The following TSHZ2 variants were observed in gnomAD, a reference collection of about 807,000 sequenced individuals.
The protein encoded by TSHZ2 is teashirt zinc finger homeobox 2, also known as teashirt homolog 2.
Under a neutral mutation model 74.4 loss-of-function variants are expected in TSHZ2, and 21 were observed. That is an observed-to-expected ratio of 0.28 (90% CI 0.20 to 0.41). The LOEUF (loss-of-function observed/expected upper bound fraction) is 0.41. Among genes scored for constraint, TSHZ2 ranks in the 10% least tolerant of loss-of-function variants. The pLI is 1.00. For synonymous variants in TSHZ2, 540 were observed against 515.3 expected, an observed-to-expected ratio of 1.05 and a Z score of -0.65; for missense variants, 1,244 against 1,293.5, an observed-to-expected ratio of 0.96 and a Z score of 0.59.
chr20:53,115,912 A>G (rs1379069265), intron 1 of TSHZ2, among the ~76,000 whole-genome samples: 1 of 152,190 alleles, frequency 6.6e-6, no homozygotes, highest in Non-Finnish European at 1.5e-5. Flanking sequence ...CAACAAAGGA[A>G]TGAGTGGATT....
intron 1 of TSHZ2, among the ~76,000 whole-genome samples, chr20:53,073,622 CAATG>C (rs952581486): frequency 6.6e-6 from 1 of 152,080 alleles, no homozygotes; most frequent in Non-Finnish European, 1.5e-5. Flanking sequence ...GTCATTTTAA[CAATG>C]AAATTATTAT....
At chr20:53,024,203 C>T (rs1241839228) in intron 1 of TSHZ2, among the ~76,000 whole-genome samples, 1 of 151,374 alleles carries the variant, frequency 6.6e-6, no homozygotes, top group Non-Finnish European at 1.5e-5. Flanking sequence ...ATTATCTTAT[C>T]TTAAAACTGT....
chr20:53,085,106 A>C (rs898594706), intron 1 of TSHZ2, among the ~76,000 whole-genome samples: 5 of 152,140 alleles, frequency 3.3e-5, no homozygotes, highest in Admixed American at 6.5e-5. Flanking sequence ...CACGACTGTA[A>C]TCCCAATACT....
chr20:53,289,439 T>C (rs1991239250), intron 2 of TSHZ2, among the ~76,000 whole-genome samples: 1 of 152,204 alleles, frequency 6.6e-6, no homozygotes, highest in East Asian at 1.9e-4. Flanking sequence ...CCAGCAGTGT[T>C]AAAGTGTTCC....
intron 1 of TSHZ2, among the ~76,000 whole-genome samples, chr20:53,186,589 A>G (rs1230652196): frequency 1.3e-5 from 2 of 152,050 alleles, no homozygotes; most frequent in East Asian, 3.9e-4. Flanking sequence ...CACCACCTGT[A>G]TTGTTTTCAG....
intron 1 of TSHZ2, among the ~76,000 whole-genome samples, chr20:53,020,033 A>G (rs1344425484): frequency 6.6e-6 from 1 of 152,168 alleles, no homozygotes; most frequent in Non-Finnish European, 1.5e-5. Flanking sequence ...TGGTGGCAGG[A>G]GAAGAGAGTA....
chr20:53,363,053 T>C (rs764746207), intron 2 of TSHZ2, among the ~76,000 whole-genome samples: 3 of 152,158 alleles, frequency 2.0e-5, no homozygotes, highest in Non-Finnish European at 2.9e-5. Context: ...CCTTGACCAA[T>C]GGTGCACAGT....
At chr20:53,265,121 G>A (rs940653290) in intron 2 of TSHZ2, among the ~76,000 whole-genome samples, 1 of 152,092 alleles carries the variant, frequency 6.6e-6, no homozygotes, top group Non-Finnish European at 1.5e-5. Context: ...TGGAGAAAGA[G>A]GCCAGGGCCA....
chr20:53,126,262 T>A (rs1014628444), intron 1 of TSHZ2, among the ~76,000 whole-genome samples: 2 of 152,234 alleles, frequency 1.3e-5, no homozygotes, highest in Admixed American at 1.3e-4. Context: ...GCGCTTCCTA[T>A]GCCTGTGCGA....
intron 1 of TSHZ2, among the ~76,000 whole-genome samples, chr20:52,993,294 A>C (rs1293959395): frequency 1.3e-5 from 2 of 152,162 alleles, no homozygotes; most frequent in Admixed American, 1.3e-4. Context: ...ATAACATTCT[A>C]GACAGTGTTT....
At chr20:53,460,353 T>C (rs1387752720) in intron 2 of TSHZ2, among the ~76,000 whole-genome samples, 1 of 152,258 alleles carries the variant, frequency 6.6e-6, no homozygotes, top group African/African-American at 2.4e-5. Flanking sequence ...CTCCTGAGGC[T>C]TCTGCATTCT....
chr20:53,268,917 G>A (rs556523885), intron 2 of TSHZ2, among the ~76,000 whole-genome samples: 8 of 152,292 alleles, frequency 5.3e-5, no homozygotes, highest in East Asian at 3.9e-4. Flanking sequence ...TGTTGGAGCC[G>A]GGGCAAGTCA....
intron 2 of TSHZ2, among the ~76,000 whole-genome samples, chr20:53,338,703 AGAGTACTCAGCTCTAAATGTCAG>A (rs1980057092): frequency 1.3e-5 from 2 of 152,004 alleles, no homozygotes; most frequent in Non-Finnish European, 1.5e-5. Context: ...CCAAATGTTA[AGAGTACTCAGCTCTAAATGTCAG>A]GAGTACTCAG....
chr20:53,145,140 C>T (rs1164046900), intron 1 of TSHZ2, among the ~76,000 whole-genome samples: 1 of 152,084 alleles, frequency 6.6e-6, no homozygotes, highest in East Asian at 1.9e-4. Context: ...TTATAATGTT[C>T]GCCTCATCCC....
At chr20:53,425,261 T>C (rs115957006) in intron 2 of TSHZ2, among the ~76,000 whole-genome samples, 107 of 152,352 alleles carry the variant, frequency 7.0e-4, no homozygotes, top group African/African-American at 2.3e-3. Context: ...CCTTTCTTGT[T>C]GTCCATGTTC....
Position 53,263,528 on chromosome 20 carries a change from C to CG in TSHZ2, c.*8+6957_*8+6958insG, listed in dbSNP as rs147317604. On this transcript the variant is annotated intron_variant, in intron 2 of 2. Transcript: ENST00000371497. ...TAGCAAATCCAGATCTTTGTGTGAG[C>CG]CCCCCAGTGTTCTAGTCGAGAGGGT... Among the ~76,000 whole-genome samples the CG allele has an allele frequency of 8.4e-3, 1,282 of 152,262 alleles. 20 individuals are homozygous for CG. Among genetic ancestry groups the CG allele is most frequent in the African/African-American group, 0.029 (1,208 of 41,522 alleles).
chr20:53,163,077 C>T (rs952940751), intron 1 of TSHZ2, among the ~76,000 whole-genome samples: 2 of 152,164 alleles, frequency 1.3e-5, no homozygotes, highest in African/African-American at 4.8e-5. Context: ...TGTCTATCGG[C>T]CTCTCTGCTC....
Position 53,254,046 on chromosome 20 carries a change from G to A in TSHZ2, c.588G>A (p.Gln196=). 2 of 1,614,142 alleles carry A rather than the reference G, an allele frequency of 1.2e-6. No individual in the cohort carries two copies. Among genetic ancestry groups the A allele is most frequent in the Non-Finnish European group, 1.7e-6 (2 of 1,180,046 alleles). ...AACCCAGCCTGTTCAGCTCGGTGCA[G>A]TTGTACCGACAGAGCAGCAAGATGT... ...VSKPSLFSSV[Q]LYRQSSKMCG... is the part of the protein sequence containing the mutation. Residue 196 remains glutamine (Q), a synonymous_variant, in exon 2 of 3, where the codon CAG becomes CAA. Transcript: ENST00000371497.
In TSHZ2 at chr20:53,256,785, C is replaced by T. The variant is rs79783134; in HGVS notation, c.*8+214C>T. Among the ~76,000 whole-genome samples, 7 of 152,174 alleles carry T rather than the reference C, an allele frequency of 4.6e-5. No individual in the cohort carries two copies. The highest frequency in any genetic ancestry group is 4.1e-4 in the South Asian group (2 of 4,826). On this transcript the variant is annotated intron_variant, in intron 2 of 2. Coordinates refer to ENST00000371497, the MANE Select transcript of TSHZ2 (RefSeq NM_173485.6). The surrounding 1 kb of genome is among the most constrained non-coding windows in gnomAD (Gnocchi z 4.3). ...TTTAGAGCTGGGAACTAGAATAAAA[C>T]GGGTTTAGAGAGATAAAGTTCACAG... is the stretch of plus-strand genomic sequence containing the variant.
Sources: gnomAD v4.1 joint callset for allele counts (sites outside exome capture counted in the v4.1 genomes callset) on GRCh38, gnomAD v4.1.1 for gene constraint, Gnocchi (gnomAD v3.1) non-coding constraint, MANE v1.5 for transcripts, NCBI Gene and HGNC (gene_info 2026-07-23, HGNC 2026-07-21) for gene names.